The following PPARA variants were observed in gnomAD, a reference collection of about 807,000 sequenced individuals.
PPARA encodes peroxisome proliferator-activated receptor alpha.
Under a neutral mutation model 42.2 loss-of-function variants are expected in PPARA, and 22 were observed. The observed-to-expected ratio is 0.52, with a 90% CI of 0.37 to 0.74. PPARA has a LOEUF of 0.74. Ranked by LOEUF, PPARA falls within the 30% of genes least tolerant of loss-of-function variation. The pLI is 0.00. For missense variants in PPARA, 465 were observed against 608.2 expected, an observed-to-expected ratio of 0.76 and a Z score of 2.48; for synonymous variants, 242 against 239.3, an observed-to-expected ratio of 1.01 and a Z score of -0.10.
At position 46,216,589 on chromosome 22, in the gene PPARA, A is replaced by G. The variant is rs1304783503; in HGVS notation, c.369+1256A>G. On this transcript the variant is annotated intron_variant, in intron 5 of 8. Transcript: ENST00000407236. This position sits in a 1 kb window ranked among gnomAD's most constrained non-coding sequence, Gnocchi z 4.5. ...GGTCCCACAGCCCCCAGCAGCAGGG[A>G]CTGGAACCAGAGACTGGCTGCTCCT... 1.3e-5 allele frequency among the ~76,000 whole-genome samples: 2 copies of G among 152,118 alleles called. No homozygotes were observed. The highest frequency in any genetic ancestry group is 2.9e-5 in the Non-Finnish European group (2 of 67,998).
intron 2 of PPARA, among the ~76,000 whole-genome samples, chr22:46,170,760 G>A (rs562973099): frequency 1.8e-4 from 28 of 151,976 alleles, no homozygotes; most frequent in African/African-American, 6.5e-4. Context: ...GAGGGACAAA[G>A]TCCTTCCCCT....
In PPARA at chr22:46,221,786, C is replaced by G. The variant is rs1019902033; in HGVS notation, c.711+1772C>G. 2.0e-5 allele frequency among the ~76,000 whole-genome samples: 3 copies of G among 151,858 alleles called. No homozygotes were observed. The highest frequency in any genetic ancestry group is 2.9e-5 in the Non-Finnish European group (2 of 67,948). ...TGCACTTCCAGCCTGGGCGACAAAG[C>G]CAGCTGTGTCTGGGCGCGGTGGCTC... is the stretch of plus-strand genomic sequence containing the variant. On this transcript the variant is annotated intron_variant, in intron 7 of 8. Transcript: ENST00000407236. This position sits in a 1 kb window ranked among gnomAD's most constrained non-coding sequence, Gnocchi z 5.9.
intron 3 of PPARA, among the ~76,000 whole-genome samples, chr22:46,185,526 T>A (rs548041455): frequency 6.6e-6 from 1 of 150,778 alleles, no homozygotes; most frequent in Non-Finnish European, 1.5e-5. Context: ...AGAACTTGTC[T>A]GCTCTGGCAA....
In PPARA at chr22:46,175,292, A is replaced by G. The variant is rs1431999006; in HGVS notation, c.-126-1461A>G. On this transcript the variant is annotated intron_variant, in intron 2 of 8. Coordinates refer to ENST00000407236, the MANE Select transcript of PPARA (RefSeq NM_005036.6). ...ATACTGACATTGATACCATCAAGAT[A>G]CATAATGTTTCCATCACCAATCAGT... Among the ~76,000 whole-genome samples, 3 of 152,242 alleles carry G rather than the reference A, an allele frequency of 2.0e-5. No individual in the cohort carries two copies. The East Asian group carries it at 5.8e-4, about 29-fold the overall frequency.
At chr22:46,181,345 A>G (rs912943502) in intron 3 of PPARA, among the ~76,000 whole-genome samples, 1 of 152,158 alleles carries the variant, frequency 6.6e-6, no homozygotes, top group Non-Finnish European at 1.5e-5. Context: ...AGGGCATCAC[A>G]TACAGCTGAC....
chr22:46,154,026 A>G (rs1048034166), intron 2 of PPARA, among the ~76,000 whole-genome samples: 16 of 152,142 alleles, frequency 1.1e-4, no homozygotes, highest in African/African-American at 3.1e-4. Context: ...ATAATATCCC[A>G]TTGTGTTTAG....
intron 2 of PPARA, among the ~76,000 whole-genome samples, chr22:46,175,046 G>T (rs1928814499): frequency 6.6e-6 from 1 of 151,896 alleles, no homozygotes; most frequent in Non-Finnish European, 1.5e-5. Context: ...TGAGTAGCTG[G>T]GTTCATAGGC....
rs1029520514 is a variant in PPARA at position 46,203,182 on chromosome 22, G to A, written c.208+4591G>A. The stretch of plus-strand genomic sequence containing the variant: ...CCAGGTTTTACTGAACTGTTACTGC[G>A]AAGTCTGAGAGATGAGGTCATTTAA... On this transcript the variant is annotated intron_variant, in intron 4 of 8. Transcript: ENST00000407236. This position sits in a 1 kb window ranked among gnomAD's most constrained non-coding sequence, Gnocchi z 5.8. Among the ~76,000 whole-genome samples, 4 of 152,120 alleles carry A rather than the reference G, an allele frequency of 2.6e-5. No individual in the cohort carries two copies. The highest frequency in any genetic ancestry group is 9.7e-5 in the African/African-American group (4 of 41,418).
In PPARA at chr22:46,235,054, C is replaced by A; in HGVS notation, c.1160-79C>A. ...TCTAAGAAAGGCCACATAAAATAGG[C>A]ATGTTTGGTTCCTGAAACTGATAAG... On this transcript the variant is annotated intron_variant, in intron 8 of 8. Coordinates refer to ENST00000407236, the MANE Select transcript of PPARA (RefSeq NM_005036.6). The surrounding 1 kb of genome is among the most constrained non-coding windows in gnomAD (Gnocchi z 7.0). 2 of 1,581,392 alleles carry A rather than the reference C, an allele frequency of 1.3e-6. No homozygotes were observed. Among genetic ancestry groups the A allele is most frequent in the Non-Finnish European group, 1.7e-6 (2 of 1,150,892 alleles).
intron 4 of PPARA, among the ~76,000 whole-genome samples, chr22:46,207,677 A>ATTATTATTATTTTTT (rs1555951376): frequency 2.0e-5 from 1 of 50,724 alleles, no homozygotes; most frequent in Non-Finnish European, 3.3e-5. Flanking sequence ...TATTATTATT[A>ATTATTATTATTTTTT]TTTTTTTTTT....
Position 46,150,987 on chromosome 22 carries a change from G to A in PPARA, c.-210+335G>A, listed in dbSNP as rs2147072949. Reference sequence around the variant, plus strand: ...GGGTTTGGCGCTGCGCGGAGGTCGGGTCTGGGGACCGCAGCGACTCTGGGT... The same window carrying A: ...GGGTTTGGCGCTGCGCGGAGGTCGGATCTGGGGACCGCAGCGACTCTGGGT... On this transcript the variant is annotated intron_variant, in intron 1 of 8. Coordinates refer to ENST00000407236, the MANE Select transcript of PPARA (RefSeq NM_005036.6). The surrounding 1 kb of genome is among the most constrained non-coding windows in gnomAD (Gnocchi z 7.5). 1 of 152,344 alleles carries A rather than the reference G, an allele frequency of 6.6e-6. No homozygotes were observed. The allele number at this position is 152,344 out of a possible 1,614,324, so 9.4% of individuals were successfully genotyped here.
chr22:46,156,824 A>T lies in PPARA; in HGVS notation c.-127+4854A>T, dbSNP rs135554. On this transcript the variant is annotated intron_variant, in intron 2 of 8. Coordinates refer to ENST00000407236, the MANE Select transcript of PPARA (RefSeq NM_005036.6). The surrounding 1 kb of genome is among the most constrained non-coding windows in gnomAD (Gnocchi z 5.2). The stretch of plus-strand genomic sequence containing the variant: ...ACCATGTTGGCCAGGCTGGTTTTGA[A>T]CTTCTGACCTCAGGTGATCCACCTG... Among the ~76,000 whole-genome samples the T allele has an allele frequency of 0.24, 36,801 of 151,968 alleles. 4,692 individuals carry two copies. Among genetic ancestry groups the T allele is most frequent in the Non-Finnish European group, 0.28 (18,756 of 67,930 alleles).
chr22:46,177,903 A>G (rs1929404093), intron 3 of PPARA, among the ~76,000 whole-genome samples: 1 of 152,212 alleles, frequency 6.6e-6, no homozygotes, highest in African/African-American at 2.4e-5. Context: ...CCAAAGAGGT[A>G]TAGCAGAGTC....
rs1247668472 is a variant in PPARA, at chr22:46,192,394, T to G, written c.-42-5948T>G. Among the ~76,000 whole-genome samples, 1 of 152,250 alleles carries G rather than the reference T, an allele frequency of 6.6e-6. No individual in the cohort carries two copies. The highest frequency in any genetic ancestry group is 1.5e-5 in the Non-Finnish European group (1 of 68,040). On this transcript the variant is annotated intron_variant, in intron 3 of 8. Coordinates refer to ENST00000407236, the MANE Select transcript of PPARA (RefSeq NM_005036.6). This position sits in a 1 kb window ranked among gnomAD's most constrained non-coding sequence, Gnocchi z 4.3. ...GCAGAAAATACCCTCGTGTTAGTTA[T>G]GAATTACCGTTGGAATCCTTCCAGT...
In PPARA at chr22:46,171,906, A is replaced by G. The variant is rs1021353504; in HGVS notation, c.-126-4847A>G. On this transcript the variant is annotated intron_variant, in intron 2 of 8. Transcript: ENST00000407236. This position sits in a 1 kb window ranked among gnomAD's most constrained non-coding sequence, Gnocchi z 5.0. ...TAAAAAGCCCCCTTGGGCAGCTTGC[A>G]GGGCCCGGGCAGAAGCTATAGGTGG... Among the ~76,000 whole-genome samples, 9 of 152,096 alleles carry G rather than the reference A, an allele frequency of 5.9e-5. No homozygotes were observed. Among genetic ancestry groups the G allele is most frequent in the African/African-American group, 2.2e-4 (9 of 41,416 alleles).
intron 7 of PPARA, chr22:46,220,357 C>T: frequency 2.8e-6 from 1 of 355,798 alleles, no homozygotes; most frequent in South Asian, 2.3e-5. Context: ...CTCTGTTGCC[C>T]AGGCTGGAAT....
chr22:46,153,072 C>A (rs186395674), intron 2 of PPARA, among the ~76,000 whole-genome samples: 103 of 151,292 alleles, frequency 6.8e-4, no homozygotes, highest in Non-Finnish European at 1.2e-3. Flanking sequence ...GGCGCCAGGG[C>A]GAGACTCCGT....
Position 46,231,206 on chromosome 22 carries a change from A to C in PPARA, c.712-586A>C, listed in dbSNP as rs980649433. On this transcript the variant is annotated intron_variant, in intron 7 of 8. Coordinates refer to ENST00000407236, the MANE Select transcript of PPARA (RefSeq NM_005036.6). The surrounding 1 kb of genome is among the most constrained non-coding windows in gnomAD (Gnocchi z 7.7). ...CGAGTAGCTGGGGTTACAGGCACAC[A>C]CTATGCCTGGCTAATTTTTTTTTTT... is the stretch of plus-strand genomic sequence containing the variant. 2.1e-5 allele frequency among the ~76,000 whole-genome samples: 3 copies of C among 146,284 alleles called. No homozygotes were observed. The highest frequency in any genetic ancestry group is 1.4e-4 in the Admixed American group (2 of 14,754).
intron 4 of PPARA, among the ~76,000 whole-genome samples, chr22:46,209,569 T>C (rs1933721934): frequency 6.6e-6 from 1 of 152,200 alleles, no homozygotes; most frequent in African/African-American, 2.4e-5. Flanking sequence ...TTACTAATTT[T>C]TTCTTCTGCA....
Sources: allele counts gnomAD v4.1 joint callset (sites outside exome capture counted in the v4.1 genomes callset), GRCh38; gene constraint gnomAD v4.1.1; non-coding constraint Gnocchi (gnomAD v3.1); transcripts MANE v1.5; gene names NCBI Gene and HGNC (gene_info 2026-07-23, HGNC 2026-07-21).